The following AMBRA1 variants were observed in gnomAD, a reference collection of about 807,000 sequenced individuals.
AMBRA1 encodes the protein activating molecule in BECN1-regulated autophagy protein 1.
A neutral mutation model predicts 125.4 loss-of-function variants in AMBRA1; 47 were observed. That is an observed-to-expected ratio of 0.37 (90% CI 0.30 to 0.48). The LOEUF (loss-of-function observed/expected upper bound fraction) is 0.48. Ranked by LOEUF, AMBRA1 falls within the 20% of genes least tolerant of loss-of-function variation. The pLI, the probability that AMBRA1 is intolerant of heterozygous loss-of-function variation, is 0.99. For synonymous variants in AMBRA1, 626 were observed against 655.5 expected, an observed-to-expected ratio of 0.95 and a Z score of 0.69; for missense variants, 1,331 against 1,693.4, an observed-to-expected ratio of 0.79 and a Z score of 3.76.
At chr11:46,423,334 C>T (rs1349766503) in intron 14 of AMBRA1, among the ~76,000 whole-genome samples, 1 of 152,092 alleles carries the variant, frequency 6.6e-6, no homozygotes, top group Non-Finnish European at 1.5e-5. Context: ...CCTTTATATT[C>T]TATGTTGGAA....
chr11:46,405,724 T>C (rs1291885147), intron 17 of AMBRA1, among the ~76,000 whole-genome samples: 1 of 151,984 alleles, frequency 6.6e-6, no homozygotes, highest in Non-Finnish European at 1.5e-5. Context: ...AGACTCTATC[T>C]TTATTTCATT....
chr11:46,434,334 A>G (rs1436382445), intron 13 of AMBRA1, among the ~76,000 whole-genome samples: 6 of 151,946 alleles, frequency 3.9e-5, no homozygotes, highest in Non-Finnish European at 8.8e-5. Context: ...TAAAAAAAAA[A>G]CAAAAAACAC....
intron 11 of AMBRA1, among the ~76,000 whole-genome samples, chr11:46,476,066 C>A (rs1434785835): frequency 3.9e-5 from 6 of 152,190 alleles, no homozygotes; most frequent in Non-Finnish European, 8.8e-5. Flanking sequence ...GAGAGCTGCA[C>A]TCAGTGCCTG....
chr11:46,427,316 T>TCAGCAG lies in AMBRA1; in HGVS notation c.2976+6152_2976+6157dup, dbSNP rs772856782. ...CTATGGTTCATTTTAATGAACTTGA[T>TCAGCAG]CAGCAGCAGCAGCAGCAGCAGCCAT... On this transcript the variant is annotated intron_variant, in intron 14 of 17. Transcript: ENST00000683756. 3.9e-5 allele frequency among the ~76,000 whole-genome samples: 6 copies of TCAGCAG among 152,148 alleles called. No homozygotes were observed. The East Asian group carries it at 5.8e-4, about 15-fold the overall frequency.
chr11:46,572,017 T>A (rs902898376), intron 1 of AMBRA1, among the ~76,000 whole-genome samples: 1 of 152,014 alleles, frequency 6.6e-6, no homozygotes. Flanking sequence ...AAAGTTAGAT[T>A]CACAGCCAGG....
At chr11:46,550,983 G>C (rs1320489596) in intron 1 of AMBRA1, among the ~76,000 whole-genome samples, 2 of 149,848 alleles carry the variant, frequency 1.3e-5, no homozygotes, top group African/African-American at 4.9e-5. Context: ...TGTAGTCCCA[G>C]CTACTCAGGA....
rs193216957 is a variant in AMBRA1 at position 46,562,213 on chromosome 11, G to A, written c.-120-13713C>T. On this transcript the variant is annotated intron_variant, in intron 1 of 17. Coordinates refer to ENST00000683756, the MANE Select transcript of AMBRA1 (RefSeq NM_001387011.1). Reference sequence around the variant, plus strand: ...TTGAAATAGAAACCTTGAGAAAAGAGGCAGGTGAAAAAAATATTTCAAGGA... The same window carrying A: ...TTGAAATAGAAACCTTGAGAAAAGAAGCAGGTGAAAAAAATATTTCAAGGA... Among the ~76,000 whole-genome samples the A allele has an allele frequency of 5.3e-5, 8 of 152,252 alleles. No individual in the cohort carries two copies. In the East Asian group the frequency reaches 1.5e-3, roughly 29 times the overall value.
At chr11:46,566,285 G>A (rs1290720015) in intron 1 of AMBRA1, among the ~76,000 whole-genome samples, 1 of 152,112 alleles carries the variant, frequency 6.6e-6, no homozygotes, top group Admixed American at 6.6e-5. Context: ...GGCCATGGTG[G>A]CGGGCACCTG....
At chr11:46,499,127 G>C (rs1950740996) in intron 9 of AMBRA1, among the ~76,000 whole-genome samples, 1 of 152,174 alleles carries the variant, frequency 6.6e-6, no homozygotes, top group South Asian at 2.1e-4. Context: ...TTTCTCCAAG[G>C]AATGGTAATA....
intron 1 of AMBRA1, among the ~76,000 whole-genome samples, chr11:46,572,313 T>C (rs1015240961): frequency 2.0e-5 from 3 of 151,992 alleles, no homozygotes; most frequent in African/African-American, 7.2e-5. Flanking sequence ...AAAAAAAAGT[T>C]AGATTCACTT....
At chr11:46,428,120 T>TA (rs1254174852) in intron 14 of AMBRA1, among the ~76,000 whole-genome samples, 1 of 142,966 alleles carries the variant, frequency 7.0e-6, no homozygotes, top group Non-Finnish European at 1.5e-5. Context: ...GGAGAAGGGG[T>TA]ATAAAGGGAT....
At chr11:46,557,250 G>A (rs1188967814) in intron 1 of AMBRA1, among the ~76,000 whole-genome samples, 3 of 146,932 alleles carry the variant, frequency 2.0e-5, no homozygotes, top group Admixed American at 1.4e-4. Context: ...GCAGTGAGCC[G>A]AGATCACGCC....
intron 11 of AMBRA1, among the ~76,000 whole-genome samples, chr11:46,482,073 G>GTGTTT: frequency 6.6e-6 from 1 of 152,192 alleles, no homozygotes; most frequent in Non-Finnish European, 1.5e-5. Context: ...TTCCAGCTTT[G>GTGTTT]TGTTTTGTTT....
intron 14 of AMBRA1, among the ~76,000 whole-genome samples, chr11:46,432,379 T>C (rs1590792694): frequency 6.6e-6 from 1 of 152,162 alleles, no homozygotes; most frequent in Non-Finnish European, 1.5e-5. Flanking sequence ...GAAGGCACTT[T>C]GACAAATTCA....
chr11:46,424,294 T>C (rs561627696), intron 14 of AMBRA1, among the ~76,000 whole-genome samples: 64 of 152,262 alleles, frequency 4.2e-4, no homozygotes, highest in Non-Finnish European at 7.9e-4. Context: ...TTTGTTACTA[T>C]TGACAATGTG....
Position 46,519,141 on chromosome 11 carries a change from A to G in AMBRA1, c.2073-6328T>C, listed in dbSNP as rs1304269552. Among the ~76,000 whole-genome samples, 8 of 152,334 alleles carry G rather than the reference A, an allele frequency of 5.3e-5. No individual in the cohort carries two copies. The South Asian group carries it at 1.7e-3, about 32-fold the overall frequency. ...TGTGCTTAAGCAATTCTCTTGCCTC[A>G]GCCTCCCGAGTAGCTGGGGCTACAG... On this transcript the variant is annotated intron_variant, in intron 7 of 17. Coordinates refer to ENST00000683756, the MANE Select transcript of AMBRA1 (RefSeq NM_001387011.1).
At chr11:46,550,577 G>A (rs553252073) in intron 1 of AMBRA1, among the ~76,000 whole-genome samples, 8 of 152,174 alleles carry the variant, frequency 5.3e-5, no homozygotes, top group Non-Finnish European at 7.3e-5. Context: ...GGGGGGAGAT[G>A]CTGAAAATAT....
intron 11 of AMBRA1, among the ~76,000 whole-genome samples, chr11:46,469,672 T>C (rs1949491572): frequency 6.6e-6 from 1 of 152,128 alleles, no homozygotes; most frequent in African/African-American, 2.4e-5. Flanking sequence ...TTTCTTTTTC[T>C]CTTTTTTTAG....
intron 11 of AMBRA1, among the ~76,000 whole-genome samples, chr11:46,467,165 C>T (rs1253884684): frequency 6.6e-6 from 1 of 152,082 alleles, no homozygotes; most frequent in Non-Finnish European, 1.5e-5. Context: ...GATCTGCCCA[C>T]CTCAGCCTCC....
Sources: gnomAD v4.1 joint callset for allele counts (sites outside exome capture counted in the v4.1 genomes callset) on GRCh38, gnomAD v4.1.1 for gene constraint, MANE v1.5 for transcripts, NCBI Gene and HGNC (gene_info 2026-07-23, HGNC 2026-07-21) for gene names.